Variants in TSC2 observed in about 807,000 individuals in gnomAD.
TSC2 encodes TSC complex subunit 2.
In TSC2, 29 loss-of-function variants were observed where a neutral mutation model predicts 202.2. The observed-to-expected ratio is 0.14, with a 90% CI of 0.11 to 0.20. The LOEUF (loss-of-function observed/expected upper bound fraction) is 0.20. Among genes scored for constraint, TSC2 ranks in the 10% least tolerant of loss-of-function variants. TSC2 has a pLI of 1.00. For synonymous variants in TSC2, 1,349 were observed against 1,044.0 expected (o/e 1.29, Z -5.63); for missense variants, 2,429 against 2,420.0 (o/e 1.00, Z -0.08).
chr16:2,048,564 C>T (rs767959143), intron 1 of TSC2, 23 bp from the exon 2 acceptor site: 19 of 1,613,078 alleles, frequency 1.2e-5, no homozygotes, highest in Non-Finnish European at 1.4e-5. Flanking sequence ...TCAGATGTCC[C>T]CATTCCTGTT....
At chr16:2,055,327 C>T (rs888475710) in intron 5 of TSC2, 75 bp from the exon 6 acceptor site, 6 of 1,153,652 alleles carry the variant, frequency 5.2e-6, no homozygotes, top group African/African-American at 3.0e-5. Context: ...GACACACTGT[C>T]CTGCGGCGGG....
intron 23 of TSC2, 69 bp downstream of exon 23, chr16:2,075,961 C>CG (rs2089290948): frequency 6.2e-7 from 1 of 1,611,912 alleles, no homozygotes; most frequent in Non-Finnish European, 8.5e-7. Flanking sequence ...CAGAAAGCCC[C>CG]GGCAGCCTTT....
chr16:2,072,864 A>G lies in TSC2; in HGVS notation c.2236A>G (p.Thr746Ala). The change falls in exon 21 of 42, where the codon ACA (threonine) becomes GCA (alanine). Residue 746 changes from threonine to alanine, a missense_variant. Thr to Ala is a moderately conservative substitution (Grantham distance 58). Coordinates refer to ENST00000219476, the MANE Select transcript of TSC2 (RefSeq NM_000548.5). ...ALCSMLSGPK[T>A]LERLRGAPEG... ...TGGTCATCAGCTTTCAGGCCCAAAGACACTGGAGCGGCTCCGAGGCGCCCC... is the reference window on the plus strand; with the variant it reads ...TGGTCATCAGCTTTCAGGCCCAAAGGCACTGGAGCGGCTCCGAGGCGCCCC... 6.2e-7 allele frequency: 1 copy of G among 1,613,616 alleles called. No homozygotes were observed. The highest frequency in any genetic ancestry group is 8.5e-7 in the Non-Finnish European group (1 of 1,180,018).
At chr16:2,066,651 C>CTTT (rs34619573) in intron 16 of TSC2, among the ~76,000 whole-genome samples, 81 of 98,478 alleles carry the variant, frequency 8.2e-4, no homozygotes, top group Non-Finnish European at 1.1e-3. Flanking sequence ...TCTGATTTAT[C>CTTT]TTTTTTTTTT....
chr16:2,074,210 T>C lies in TSC2; in HGVS notation c.2366T>C (p.Val789Ala), dbSNP rs748669016. 6.2e-6 allele frequency: 10 copies of C among 1,611,560 alleles called. No homozygotes were observed. The East Asian group carries it at 2.0e-4, about 32-fold the overall frequency. ...TCCTGTCTCCTGCAGCGCGAGATGG[T>C]CTACTGCCTGGAGCAGGGCCTCATC... ...YLDKTKQREM[V>A]YCLEQGLIHR... Residue 789 changes from valine (V) to alanine (A), a missense_variant, in exon 22 of 42, where the codon GTC becomes GCC. By Grantham distance (64) the Val-to-Ala change is moderately conservative (BLOSUM62 0). Coordinates refer to ENST00000219476, the MANE Select transcript of TSC2 (RefSeq NM_000548.5).
At chr16:2,053,058 T>G (rs1210912122) in intron 3 of TSC2, among the ~76,000 whole-genome samples, 1 of 152,202 alleles carries the variant, frequency 6.6e-6, no homozygotes, top group Non-Finnish European at 1.5e-5. Flanking sequence ...GAGGCCACCA[T>G]TGCTGCCCTG....
At chr16:2,052,212 C>CGGTAAGAG (rs1294607336) in intron 3 of TSC2, among the ~76,000 whole-genome samples, 1 of 123,784 alleles carries the variant, frequency 8.1e-6, no homozygotes, top group Non-Finnish European at 1.7e-5. Flanking sequence ...CAGGTTGCAA[C>CGGTAAGAG]GGTAAGAGTA....
Position 2,088,667 on chromosome 16 carries a change from A to T in TSC2, c.*57A>T. ...GACGGTATTGCCTGTCAGTGAAATA[A>T]ATAAAGTCCTGACCCCAGTGCACAG... On this transcript the variant is annotated 3_prime_UTR_variant, in exon 42 of 42. Transcript: ENST00000219476. 5 of 1,554,286 alleles carry T rather than the reference A, an allele frequency of 3.2e-6. No individual in the cohort carries two copies. The highest frequency in any genetic ancestry group is 4.3e-6 in the Non-Finnish European group (5 of 1,156,082).
At chr16:2,080,764 G>T (rs530756246) in intron 30 of TSC2, 16 of 249,266 alleles carry the variant, frequency 6.4e-5, no homozygotes, top group South Asian at 2.9e-4. Flanking sequence ...GATTACAGGC[G>T]TGAGCCACCG....
chr16:2,061,921 G>A lies in TSC2; in HGVS notation c.1170G>A (p.Thr390=), dbSNP rs376144933. The change falls in exon 12 of 42, where the codon ACG becomes ACA. Residue 390 remains threonine (T), a synonymous_variant. Transcript: ENST00000219476. ...CCATCGTCCATGACCTGTTGACCAC[G>A]GTGGAGGAGCTGTGTGACCAGAACG... ...LRTIVHDLLT[T]VEELCDQNEF... is the part of the protein sequence containing the mutation. 63 of 1,614,222 alleles carry A rather than the reference G, an allele frequency of 3.9e-5. No homozygotes were observed. In the African/African-American group the frequency reaches 7.1e-4, roughly 18 times the overall value.
At chr16:2,059,015 GGT>G in intron 10 of TSC2, 142 bp downstream of exon 10, 1 of 1,354,236 alleles carries the variant, frequency 7.4e-7, no homozygotes, top group Non-Finnish European at 1.0e-6. Flanking sequence ...TGCAGCTGGG[GGT>G]GAGGTTTGGG....
chr16:2,072,531 C>T (rs1047954899), intron 20 of TSC2, 168 bp downstream of exon 20: 6 of 1,102,454 alleles, frequency 5.4e-6, no homozygotes, highest in South Asian at 1.5e-5. Context: ...GGTGGAGGGA[C>T]CCCTGCCCCA....
intron 31 of TSC2, 51 bp from the exon 32 acceptor site, chr16:2,082,385 T>G (rs978352051): frequency 1.2e-5 from 19 of 1,598,782 alleles, no homozygotes; most frequent in African/African-American, 2.7e-5. Context: ...GCTCGACCTG[T>G]GTGTAGCCCC....
intron 16 of TSC2, among the ~76,000 whole-genome samples, chr16:2,067,356 C>G (rs1418106490): frequency 2.0e-5 from 3 of 151,648 alleles, no homozygotes; most frequent in Admixed American, 6.6e-5. Context: ...GAGATGGGGT[C>G]TTTATATGTT....
At chr16:2,059,582 C>T (rs1320850617) in intron 10 of TSC2, among the ~76,000 whole-genome samples, 2 of 145,708 alleles carry the variant, frequency 1.4e-5, no homozygotes, top group Admixed American at 1.4e-4. Context: ...TGCAATGGCG[C>T]GATCTTGGCT....
Position 2,089,166 on chromosome 16 carries a change from C to A in TSC2, c.*556C>A. The A allele has an allele frequency of 5.8e-6, 1 of 173,008 alleles. No homozygotes were observed. Among genetic ancestry groups the A allele is most frequent in the South Asian group, 1.5e-4 (1 of 6,710 alleles). The allele number at this position is 173,008 out of a possible 1,614,324, so 10.7% of individuals were successfully genotyped here. ...AGCAGCCGGGCTGCCATAACGCCACCACACCTACCAAGCGCAGCAGGTGTT... is the reference window on the plus strand; with the variant it reads ...AGCAGCCGGGCTGCCATAACGCCACAACACCTACCAAGCGCAGCAGGTGTT... On this transcript the variant is annotated 3_prime_UTR_variant, in exon 42 of 42. Transcript: ENST00000219476.
chr16:2,057,521 A>G (rs575566471), intron 9 of TSC2, among the ~76,000 whole-genome samples: 31 of 151,678 alleles, frequency 2.0e-4, no homozygotes, highest in Non-Finnish European at 4.3e-4. Context: ...GGCTGTGGCC[A>G]CTTTTGTTGC....
Position 2,072,483 on chromosome 16 carries a change from T to A in TSC2, c.2220+120T>A, listed in dbSNP as rs564159349. On this transcript the variant is annotated intron_variant, in intron 20 of 41. Transcript: ENST00000219476. ...GGCTCGGGCTCCATTTCCCTCAAAC[T>A]CAGCTGCACTCTGGAGCGCAGATTG... 203 of 1,461,092 alleles carry A rather than the reference T, an allele frequency of 1.4e-4. No homozygotes were observed. In the African/African-American group the frequency reaches 2.6e-3, roughly 19 times the overall value. The allele number at this position is 1,461,092 out of a possible 1,614,324, so 90.5% of individuals were successfully genotyped here. A position where few individuals can be genotyped will look rare whatever the true frequency, so the allele number is the denominator to read the frequency against.
chr16:2,078,514 C>T, intron 26 of TSC2: 1 of 214,220 alleles, frequency 4.7e-6, no homozygotes, highest in South Asian at 7.4e-5. Flanking sequence ...CAAAATATTG[C>T]CTAGGGGCTA....
Sources: allele counts gnomAD v4.1 joint callset (sites outside exome capture counted in the v4.1 genomes callset), GRCh38; gene constraint gnomAD v4.1.1; transcripts MANE v1.5; gene names NCBI Gene and HGNC (gene_info 2026-07-23, HGNC 2026-07-21).